Variants in ACLY observed in about 807,000 individuals in gnomAD.
The protein encoded by ACLY is ATP citrate lyase, also known as ATP-citrate synthase.
ACLY carries 41 observed loss-of-function variants against 133.0 expected under a neutral mutation model. That is an observed-to-expected ratio of 0.31 (90% confidence interval 0.24 to 0.40). ACLY has a LOEUF of 0.40. ACLY is among the 10% of genes least tolerant of loss of function. The probability of loss-of-function intolerance (pLI) is 1.00; values close to 1 mark genes in which losing one functional copy is unlikely to be tolerated. For synonymous variants in ACLY, 495 were observed against 549.3 expected, an observed-to-expected ratio of 0.90 and a Z score of 1.38; for missense variants, 1,046 against 1,453.8, an observed-to-expected ratio of 0.72 and a Z score of 4.56.
chr17:41,883,309 G>A, intron 19 of ACLY, 77 bp from the exon 20 acceptor site: 1 of 1,254,408 alleles, frequency 8.0e-7, no homozygotes. Flanking sequence ...AGAAAATGGA[G>A]TGACACGGGC....
At position 41,869,084 on chromosome 17, in the gene ACLY, G is replaced by A. The variant is rs781877404; in HGVS notation, c.3093C>T (p.Val1031=). The change falls in exon 27 of 29, where the codon GTC becomes GTT. Residue 1031 remains valine, a synonymous_variant. Transcript: ENST00000352035. ...LILNVDGLIG[V]AFVDMLRNCG... ...AGTTTCTAAGCATGTCTACAAATGCGACTCCGATGAGACCATCTACATTCA... is the reference window on the plus strand; with the variant it reads ...AGTTTCTAAGCATGTCTACAAATGCAACTCCGATGAGACCATCTACATTCA... The A allele has an allele frequency of 3.0e-5, 49 of 1,613,904 alleles. No individual in the cohort carries two copies. Among genetic ancestry groups the A allele is most frequent in the East Asian group, 8.9e-5 (4 of 44,878 alleles).
At chr17:41,918,537 G>A (rs1442024894) in intron 1 of ACLY, among the ~76,000 whole-genome samples, 2 of 152,254 alleles carry the variant, frequency 1.3e-5, no homozygotes, top group Non-Finnish European at 2.9e-5. Context: ...ATGAGCCCGA[G>A]GAGCCTCGAT....
At chr17:41,872,580 C>A (rs572262166) in intron 23 of ACLY, among the ~76,000 whole-genome samples, 1 of 152,334 alleles carries the variant, frequency 6.6e-6, no homozygotes, top group Admixed American at 6.5e-5. Flanking sequence ...CCACCTCGGC[C>A]TCCCAAAGTG....
rs151013779 is a variant in ACLY at position 41,873,817 on chromosome 17, T to C, written c.2636A>G (p.Gln879Arg). 5.1e-6 allele frequency: 8 copies of C among 1,565,350 alleles called. No homozygotes were observed. The highest frequency in any genetic ancestry group is 1.8e-5 in the Admixed American group (1 of 54,536). ...IGGVLGLLWF[Q>R]KRLPKYSCQF... ...TTCTGCCCTCCATGCTCACCTTTTC[T>C]GGAACCAGAGGAGGCCGAGGACCCC... The change falls in exon 23 of 29, where the codon CAG (glutamine) becomes CGG (arginine). Residue 879 changes from glutamine (Q) to arginine (R), a missense_variant. Around this residue, in one of 4 missense-constraint regions of ACLY, gnomAD observed 205 missense variants for 373.3 expected, o/e 0.55. Coordinates refer to ENST00000352035, the MANE Select transcript of ACLY (RefSeq NM_001096.3).
intron 25 of ACLY, among the ~76,000 whole-genome samples, chr17:41,870,884 C>T (rs1410034173): frequency 2.0e-5 from 3 of 152,318 alleles, no homozygotes; most frequent in East Asian, 3.9e-4. Flanking sequence ...ATCCTGCTGA[C>T]GTGAGGCCAG....
At chr17:41,871,198 G>T (rs1555624960) in intron 25 of ACLY, among the ~76,000 whole-genome samples, 4 of 152,256 alleles carry the variant, frequency 2.6e-5, no homozygotes, top group African/African-American at 9.6e-5. Context: ...ACTGTTAAGG[G>T]CAATCTGTAT....
At chr17:41,922,437 A>AC (rs1298034377), upstream of ACLY, among the ~76,000 whole-genome samples, 3 of 151,192 alleles carry the variant, frequency 2.0e-5, no homozygotes, top group Non-Finnish European at 4.4e-5. Context: ...AGCCTGGGTG[A>AC]CAGAGTGAGA....
chr17:41,901,876 G>A (rs1191779262), intron 10 of ACLY, 63 bp from the exon 11 acceptor site: 42 of 1,301,614 alleles, frequency 3.2e-5, no homozygotes, highest in East Asian at 3.2e-4. Flanking sequence ...ATTTATAACC[G>A]TGATAAACAA....
chr17:41,905,636 C>T lies in ACLY; in HGVS notation c.889G>A (p.Gly297Ser). The change falls in exon 9 of 29, where the codon GGT becomes AGT. Residue 297 changes from glycine (G) to serine (S), a missense_variant. Physicochemically the swap from Gly to Ser is moderately conservative, Grantham distance 56. Around this residue, in one of 4 missense-constraint regions of ACLY, gnomAD observed 575 missense variants for 804.2 expected, o/e 0.71. Coordinates refer to ENST00000352035, the MANE Select transcript of ACLY (RefSeq NM_001096.3). ...CCATAGTTTGCCAGCTCGTTGACAC[C>T]CCCTAGATCACAGATGGTATCGCTG... is the stretch of plus-strand genomic sequence containing the variant. ...VYSDTICDLG[G>S]VNELANYGEY... 6.2e-7 allele frequency: 1 copy of T among 1,614,150 alleles called. No homozygotes were observed. The highest frequency in any genetic ancestry group is 8.5e-7 in the Non-Finnish European group (1 of 1,180,038).
upstream of ACLY, among the ~76,000 whole-genome samples, chr17:41,921,479 GAAA>G (rs782660866): frequency 2.4e-5 from 1 of 42,434 alleles, no homozygotes; most frequent in African/African-American, 9.3e-5. Context: ...CCCTGTCTCA[GAAA>G]AAAAAAAAAA....
upstream of ACLY, among the ~76,000 whole-genome samples, chr17:41,920,148 G>T (rs1018441264): frequency 1.3e-5 from 2 of 152,138 alleles, no homozygotes; most frequent in African/African-American, 4.8e-5. Context: ...TCTTCTCCAA[G>T]ACCCCCTCCC....
At chr17:41,922,406 G>T (rs1246137690), upstream of ACLY, among the ~76,000 whole-genome samples, 6 of 148,946 alleles carry the variant, frequency 4.0e-5, no homozygotes, top group Admixed American at 4.0e-4. Flanking sequence ...GCAGTCAGCC[G>T]TGACTGCACC....
rs370150035 is a variant in ACLY at position 41,868,662 on chromosome 17, C to T, written c.3211+47G>A. The T allele has an allele frequency of 2.0e-5, 30 of 1,503,338 alleles. No homozygotes were observed. The East Asian group carries it at 3.4e-4, about 17-fold the overall frequency. The allele number at this position is 1,503,338 out of a possible 1,614,324, so 93.1% of individuals were successfully genotyped here. A position where few individuals can be genotyped will look rare whatever the true frequency, so the allele number is the denominator to read the frequency against. On this transcript the variant is annotated intron_variant, in intron 28 of 28. Coordinates refer to ENST00000352035, the MANE Select transcript of ACLY (RefSeq NM_001096.3). ...CCATGAGTAAGTGGTGTAGCTGAACCGTGGGGTTTAAAAAAAAACACTTAA... is the reference window on the plus strand; with the variant it reads ...CCATGAGTAAGTGGTGTAGCTGAACTGTGGGGTTTAAAAAAAAACACTTAA...
Position 41,867,817 on chromosome 17 carries a change from C to A in ACLY, c.3299G>T (p.Ser1100Ile). Residue 1100 changes from serine (S) to isoleucine (I), a missense_variant, in exon 29 of 29, where the codon AGC (serine) becomes ATC (isoleucine). Physicochemically the swap from Ser to Ile is moderately radical, Grantham distance 142 (BLOSUM62 -2). Coordinates refer to ENST00000352035, the MANE Select transcript of ACLY (RefSeq NM_001096.3). The part of the protein sequence containing the change: ...DISYVLPEHM[S>I]M ...GTAGGGTTCCTGGCTCTGTTACATGCTCATGTGTTCCGGAAGAACATATGA... is the reference window on the plus strand; with the variant it reads ...GTAGGGTTCCTGGCTCTGTTACATGATCATGTGTTCCGGAAGAACATATGA... The A allele has an allele frequency of 6.2e-7, 1 of 1,609,462 alleles. No individual in the cohort carries two copies. The highest frequency in any genetic ancestry group is 1.1e-5 in the South Asian group (1 of 90,444).
intron 19 of ACLY, 24 bp downstream of exon 19, chr17:41,884,169 A>ATTT: frequency 8.0e-7 from 1 of 1,250,612 alleles, no homozygotes; most frequent in Non-Finnish European, 1.1e-6. Flanking sequence ...TAAAATCATA[A>ATTT]TTTTTTTTTT....
At chr17:41,884,757 C>T (rs1004777274) in intron 18 of ACLY, among the ~76,000 whole-genome samples, 2 of 152,068 alleles carry the variant, frequency 1.3e-5, no homozygotes, top group South Asian at 2.1e-4. Context: ...TGGTCGTGGG[C>T]GCCTGTACAG....
Position 41,901,714 on chromosome 17 carries a change from G to A in ACLY, c.1165C>T (p.Arg389Trp), listed in dbSNP as rs782729236. 96 of 1,610,862 alleles carry A rather than the reference G, an allele frequency of 6.0e-5. No homozygotes were observed. The highest frequency in any genetic ancestry group is 4.5e-5 in the East Asian group (2 of 44,448). Reference sequence around the variant, plus strand: ...ATCTTACCGACTTCTCCCATCACCCGTAAGCCCTCCTGATAGTTGGGGCCA... The same window carrying A: ...ATCTTACCGACTTCTCCCATCACCCATAAGCCCTCCTGATAGTTGGGGCCA... ...RGGPNYQEGL[R>W]VMGEVGKTTG... is the part of the protein sequence containing the mutation. Residue 389 changes from arginine (R) to tryptophan (W), a missense_variant, in exon 11 of 29, where the codon CGG (arginine) becomes TGG (tryptophan). Arg to Trp is a moderately radical substitution (Grantham distance 101). Transcript: ENST00000352035.
chr17:41,885,451 A>C (rs2049024028), intron 18 of ACLY, among the ~76,000 whole-genome samples: 2 of 152,230 alleles, frequency 1.3e-5, no homozygotes, highest in Admixed American at 1.3e-4. Flanking sequence ...TAGGAATAAT[A>C]AACAATAATG....
At chr17:41,894,978 C>T (rs2049325311) in intron 14 of ACLY, among the ~76,000 whole-genome samples, 1 of 152,188 alleles carries the variant, frequency 6.6e-6, no homozygotes, top group South Asian at 2.1e-4. Context: ...CTTCTCATGA[C>T]AGAAGGTTCC....
Sources: allele counts gnomAD v4.1 joint callset (sites outside exome capture counted in the v4.1 genomes callset), GRCh38; gene constraint gnomAD v4.1.1; regional missense constraint gnomAD v4.1.1; transcripts MANE v1.5; gene names NCBI Gene and HGNC (gene_info 2026-07-23, HGNC 2026-07-21).